The following ABCG2 variants were observed in gnomAD, a reference collection of about 807,000 sequenced individuals.
ABCG2 encodes broad substrate specificity ATP-binding cassette transporter ABCG2.
ABCG2 carries 80 observed loss-of-function variants against 73.5 expected under a neutral mutation model. That is an observed-to-expected ratio of 1.09 (90% CI 0.91 to 1.31). The LOEUF is 1.31. Among genes scored for constraint, ABCG2 ranks in the 50% most tolerant of loss-of-function variants. ABCG2 has a pLI of 0.00. For missense variants in ABCG2, 796 were observed against 786.2 expected (o/e 1.01, Z -0.15); for synonymous variants, 269 against 282.4 (o/e 0.95, Z 0.48).
Position 88,158,439 on chromosome 4 carries a change from C to A in ABCG2, c.-73G>T. On this transcript the variant is annotated 5_prime_UTR_variant, in exon 1 of 16. Coordinates refer to ENST00000237612, the MANE Select transcript of ABCG2 (RefSeq NM_004827.3). ...AAGGCTCAGGATCTCAGGATGCGTG[C>A]GCTCGGAGGCAGCGCTTTAACAATT... 1 of 448,728 alleles carries A rather than the reference C, an allele frequency of 2.2e-6. No individual in the cohort carries two copies. Among genetic ancestry groups the A allele is most frequent in the South Asian group, 1.6e-5 (1 of 63,078 alleles). 27.8% of individuals were successfully genotyped at this position (448,728 alleles called of 1,614,324 possible). A position where few individuals can be genotyped will look rare whatever the true frequency, so the allele number is the denominator to read the frequency against.
rs914234686 is a variant in ABCG2 at position 88,109,563 on chromosome 4, G to C, written c.1195-2297C>G. Among the ~76,000 whole-genome samples the C allele has an allele frequency of 1.5e-4, 23 of 152,186 alleles. 1 individual carries two copies. The highest frequency in any genetic ancestry group is 5.3e-4 in the African/African-American group (22 of 41,452). On this transcript the variant is annotated intron_variant, in intron 9 of 15. Coordinates refer to ENST00000237612, the MANE Select transcript of ABCG2 (RefSeq NM_004827.3). ...CAAACTAAACAGTGCACAATGGAGT[G>C]CACAGACCCCATCTGCTTCCAAGTT...
At chr4:88,174,170 T>C (rs1201224960) in intron 1 of ABCG2, among the ~76,000 whole-genome samples, 1 of 152,124 alleles carries the variant, frequency 6.6e-6, no homozygotes, top group African/African-American at 2.4e-5. Flanking sequence ...TCTTTTTATT[T>C]TACTTTAAGT....
chr4:88,123,990 G>A (rs1216259685), intron 5 of ABCG2, among the ~76,000 whole-genome samples: 2 of 152,214 alleles, frequency 1.3e-5, no homozygotes, highest in Non-Finnish European at 2.9e-5. Context: ...TAAGTCAGAA[G>A]AGAGTGGGGA....
rs199473672 is a variant in ABCG2 at position 88,131,846 on chromosome 4, G to T, written c.335C>A (p.Pro112Gln). The change falls in exon 4 of 16, where the codon CCG becomes CAG. Residue 112 changes from proline (P) to glutamine (Q), a missense_variant. Transcript: ENST00000237612. ...ATTACATTTGAAATTGGCAGGTCGCGGTGCTCCATTTATCAGAACATCTCC... is the reference window on the plus strand; with the variant it reads ...ATTACATTTGAAATTGGCAGGTCGCTGTGCTCCATTTATCAGAACATCTCC... Reference protein sequence around the residue: ...LSGDVLINGAPRPANFKCNSG... With the variant: ...LSGDVLINGAQRPANFKCNSG... 903 of 1,613,764 alleles carry T rather than the reference G, an allele frequency of 5.6e-4. 1 individual carries two copies. The highest frequency in any genetic ancestry group is 6.6e-4 in the Non-Finnish European group (778 of 1,179,944).
chr4:88,101,613 T>G (rs1243402478), intron 10 of ABCG2, among the ~76,000 whole-genome samples: 2 of 152,160 alleles, frequency 1.3e-5, no homozygotes, highest in African/African-American at 4.8e-5. Context: ...GTGATGGTAT[T>G]TGAAGATGGG....
At chr4:88,106,014 C>A (rs978803099) in intron 10 of ABCG2, among the ~76,000 whole-genome samples, 2 of 152,032 alleles carry the variant, frequency 1.3e-5, no homozygotes, top group Non-Finnish European at 2.9e-5. Context: ...TAAAATGGTA[C>A]GGCCACTGTG....
intron 1 of ABCG2, among the ~76,000 whole-genome samples, chr4:88,188,238 T>A (rs1355073966): frequency 6.6e-6 from 1 of 152,202 alleles, no homozygotes; most frequent in Non-Finnish European, 1.5e-5. Context: ...ACATCTATCC[T>A]TTCCCGACTG....
intron 1 of ABCG2, among the ~76,000 whole-genome samples, chr4:88,180,721 C>T (rs2110099707): frequency 6.6e-6 from 1 of 152,066 alleles, no homozygotes; most frequent in South Asian, 2.1e-4. Context: ...CCACTGCACC[C>T]TAACCTAGCT....
intron 2 of ABCG2, among the ~76,000 whole-genome samples, chr4:88,136,161 CT>C (rs1390517611): frequency 6.6e-6 from 1 of 152,138 alleles, no homozygotes; most frequent in African/African-American, 2.4e-5. Flanking sequence ...CCCAGCTCTT[CT>C]CCCGCCCGCT....
intron 15 of ABCG2, among the ~76,000 whole-genome samples, chr4:88,093,933 C>G (rs1169227264): frequency 6.6e-6 from 1 of 152,024 alleles, no homozygotes; most frequent in Non-Finnish European, 1.5e-5. Flanking sequence ...GGGTTTTTTT[C>G]TCAACTTATT....
chr4:88,152,519 T>A (rs996998302), intron 1 of ABCG2, among the ~76,000 whole-genome samples: 7 of 151,990 alleles, frequency 4.6e-5, no homozygotes, highest in Non-Finnish European at 8.8e-5. Flanking sequence ...GGGTGGGGCG[T>A]CACAGGGTGC....
At chr4:88,141,309 G>A (rs921025003) in intron 1 of ABCG2, among the ~76,000 whole-genome samples, 2 of 152,082 alleles carry the variant, frequency 1.3e-5, no homozygotes, top group African/African-American at 4.8e-5. Context: ...TGCATTCCGC[G>A]TGCCCTTTCC....
chr4:88,141,458 C>T (rs1725636981), intron 1 of ABCG2, among the ~76,000 whole-genome samples: 1 of 152,192 alleles, frequency 6.6e-6, no homozygotes, highest in Non-Finnish European at 1.5e-5. Flanking sequence ...TTTCAGCAGT[C>T]TGTCAGCACT....
rs1472194899 is a variant in ABCG2, at chr4:88,114,980, A to G, written c.920T>C (p.Leu307Ser). 6.2e-7 allele frequency: 1 copy of G among 1,612,044 alleles called. No individual in the cohort carries two copies. The highest frequency in any genetic ancestry group is 1.3e-5 in the African/African-American group (1 of 74,928). ...IINGDSTAVALNREEDFKATE... is the reference protein window; with the variant it reads ...IINGDSTAVASNREEDFKATE... ...ACCTTTAAAGTCTTCTTCTCTGTTT[A>G]ATGCCACAGCAGTGGAATCTCCATT... Residue 307 changes from leucine (L) to serine (S), a missense_variant, in exon 8 of 16, where the codon TTA (leucine) becomes TCA (serine). Coordinates refer to ENST00000237612, the MANE Select transcript of ABCG2 (RefSeq NM_004827.3).
chr4:88,137,646 A>G (rs984545439), intron 2 of ABCG2, among the ~76,000 whole-genome samples: 1 of 152,154 alleles, frequency 6.6e-6, no homozygotes, highest in Non-Finnish European at 1.5e-5. Flanking sequence ...CTCCTGGACA[A>G]TGTCTGAGTG....
Position 88,098,265 on chromosome 4 carries a change from TG to T in ABCG2, c.1493-659del, listed in dbSNP as rs1306518477. Among the ~76,000 whole-genome samples, 8 of 152,194 alleles carry T rather than the reference TG, an allele frequency of 5.3e-5. No individual in the cohort carries two copies. In the East Asian group the frequency reaches 1.5e-3, roughly 29 times the overall value. On this transcript the variant is annotated intron_variant, in intron 12 of 15. Transcript: ENST00000237612. ...TAGGACACACCTATTATTTGTCAAA[TG>T]GAAGGTTTAAACTCAATCGGTAGTT...
At position 88,139,878 on chromosome 4, in the gene ABCG2, G is replaced by A. The variant is rs561122328; in HGVS notation, c.118C>T (p.His40Tyr). The A allele has an allele frequency of 1.2e-6, 2 of 1,614,142 alleles. No homozygotes were observed. Among genetic ancestry groups the A allele is most frequent in the Non-Finnish European group, 1.7e-6 (2 of 1,180,018 alleles). ...AFTEGAVLSF[H>Y]NICYRVKLKS... ...AGTTTTACTCGATAGCAGATGTTAT[G>A]AAAACTTAACACAGCTCCTTCAGTA... Residue 40 changes from histidine (H) to tyrosine (Y), a missense_variant, in exon 2 of 16, where the codon CAT becomes TAT. Transcript: ENST00000237612.
At chr4:88,098,097 T>C (rs1315841213) in intron 12 of ABCG2, among the ~76,000 whole-genome samples, 1 of 152,216 alleles carries the variant, frequency 6.6e-6, no homozygotes, top group Non-Finnish European at 1.5e-5. Flanking sequence ...CACTCTGGAT[T>C]GAAATGAGAC....
chr4:88,226,567 A>G (rs550853148), intron 1 of ABCG2, among the ~76,000 whole-genome samples: 2 of 152,274 alleles, frequency 1.3e-5, no homozygotes, highest in African/African-American at 2.4e-5. Context: ...TCACAACTAC[A>G]CTATGAGGTA....
Sources: gnomAD v4.1 joint callset for allele counts (sites outside exome capture counted in the v4.1 genomes callset) on GRCh38, gnomAD v4.1.1 for gene constraint, MANE v1.5 for transcripts, NCBI Gene and HGNC (gene_info 2026-07-23, HGNC 2026-07-21) for gene names.